Variants in LPXN observed in about 807,000 individuals in gnomAD.
LPXN encodes the protein leupaxin.
A neutral mutation model predicts 45.6 loss-of-function variants in LPXN; 28 were observed. The observed-to-expected ratio is 0.61, with a 90% confidence interval of 0.45 to 0.84. LPXN has a LOEUF of 0.84. Ranked by LOEUF, LPXN falls within the 40% of genes least tolerant of loss-of-function variation. The pLI, the probability that LPXN is intolerant of heterozygous loss-of-function variation, is 0.00. For synonymous variants in LPXN, 166 were observed against 169.9 expected (o/e 0.98, Z 0.18); for missense variants, 459 against 475.0 (o/e 0.97, Z 0.31).
intron 1 of LPXN, 97 bp downstream of exon 1, chr11:58,575,663 A>T: frequency 7.5e-7 from 1 of 1,325,594 alleles, no homozygotes; most frequent in Non-Finnish European, 1.1e-6. Context: ...ATCTTCCATT[A>T]CTACCCTCAG....
At chr11:58,570,509 T>C (rs1350551271) in intron 2 of LPXN, 47 bp downstream of exon 2, 8 of 1,410,924 alleles carry the variant, frequency 5.7e-6, no homozygotes, top group Non-Finnish European at 7.8e-6. Context: ...TTTTCAGAAA[T>C]GCACTCAAAC....
chr11:58,527,470 T>A lies in LPXN; in HGVS notation c.1145A>T (p.Lys382Met), dbSNP rs376118436. 8.1e-6 allele frequency: 13 copies of A among 1,614,078 alleles called. No individual in the cohort carries two copies. The African/African-American group carries it at 1.7e-4, about 22-fold the overall frequency. The change falls in exon 9 of 9, where the codon AAG (lysine) becomes ATG (methionine). Residue 382 changes from lysine to methionine, a missense_variant. Coordinates refer to ENST00000395074, the MANE Select transcript of LPXN (RefSeq NM_004811.3). ...DKTYCQPCFN[K>M]LFPL ...CAGTTGGCATTACAGTGGGAAGAGCTTATTGAAGCAAGGTTGACAATAGGT... is the reference window on the plus strand; with the variant it reads ...CAGTTGGCATTACAGTGGGAAGAGCATATTGAAGCAAGGTTGACAATAGGT...
intron 4 of LPXN, chr11:58,553,749 ATGGTTGGATTC>A (rs1211840911): frequency 6.6e-6 from 1 of 152,212 alleles, no homozygotes; most frequent in Non-Finnish European, 1.5e-5. Flanking sequence ...CAGATTTAAA[ATGGTTGGATTC>A]TCCACCTTAA....
At chr11:58,545,265 A>G (rs1271139337) in intron 7 of LPXN, among the ~76,000 whole-genome samples, 1 of 152,162 alleles carries the variant, frequency 6.6e-6, no homozygotes, top group Non-Finnish European at 1.5e-5. Flanking sequence ...TAGCTACCTT[A>G]ATGGTGCTTT....
At position 58,554,493 on chromosome 11, in the gene LPXN, ATC is replaced by A. The variant is rs150429256; in HGVS notation, c.318+346_318+347del. Among the ~76,000 whole-genome samples the A allele has an allele frequency of 6.4e-3, 979 of 152,090 alleles. 13 individuals are homozygous for A. The highest frequency in any genetic ancestry group is 0.023 in the African/African-American group (948 of 41,480). Reference sequence around the variant, plus strand: ...TTTCAACTCTGATTAAATCTCCAAAATCTCTCTATATCCGTAATGTTTGCTCC... The same window carrying A: ...TTTCAACTCTGATTAAATCTCCAAAATCTCTATATCCGTAATGTTTGCTCC... On this transcript the variant is annotated intron_variant, in intron 4 of 8. Coordinates refer to ENST00000395074, the MANE Select transcript of LPXN (RefSeq NM_004811.3).
At chr11:58,578,195 T>C (rs765218677), upstream of LPXN, 2 of 1,029,452 alleles carry the variant, frequency 1.9e-6, no homozygotes, top group Admixed American at 3.2e-5. Context: ...AGACCAGCAA[T>C]TGGCTCGACG....
At chr11:58,542,073 G>A (rs1386547039) in intron 7 of LPXN, among the ~76,000 whole-genome samples, 1 of 151,846 alleles carries the variant, frequency 6.6e-6, no homozygotes, top group Admixed American at 6.6e-5. Flanking sequence ...ATAGCATTAG[G>A]AGATATACCT....
chr11:58,564,193 G>A lies in LPXN; in HGVS notation c.180C>T (p.Leu60=), dbSNP rs201602799. The change falls in exon 3 of 9, where the codon CTC becomes CTT. Residue 60 remains leucine (L), a synonymous_variant. Coordinates refer to ENST00000395074, the MANE Select transcript of LPXN (RefSeq NM_004811.3). Reference sequence around the variant, plus strand: ...GCTCCTGGATATTGGTAGTATACACGAGCTGCGCCTAAGATATATAAGTGA... The same window carrying A: ...GCTCCTGGATATTGGTAGTATACACAAGCTGCGCCTAAGATATATAAGTGA... ...QDNTSPLPAQ[L]VYTTNIQELN... is the part of the protein sequence containing the mutation. The A allele has an allele frequency of 1.1e-5, 18 of 1,603,716 alleles. No individual in the cohort carries two copies. The highest frequency in any genetic ancestry group is 1.7e-5 in the Admixed American group (1 of 58,588).
intron 5 of LPXN, 41 bp from the exon 6 acceptor site, chr11:58,550,187 G>C: frequency 1.3e-6 from 2 of 1,588,502 alleles, no homozygotes; most frequent in Non-Finnish European, 8.6e-7. Context: ...GGCCAGTTGA[G>C]TGCTCTACAG....
intron 3 of LPXN, among the ~76,000 whole-genome samples, chr11:58,560,570 T>G (rs1318669938): frequency 1.1e-4 from 16 of 152,346 alleles, no homozygotes; most frequent in Non-Finnish European, 2.9e-5. Flanking sequence ...TTCTATCTTC[T>G]GCAACCATAA....
chr11:58,570,326 A>T (rs943830403), intron 2 of LPXN, among the ~76,000 whole-genome samples: 16 of 151,466 alleles, frequency 1.1e-4, no homozygotes, highest in African/African-American at 3.6e-4. Context: ...AAAATAAAAA[A>T]AATAAAAAAA....
intron 7 of LPXN, among the ~76,000 whole-genome samples, chr11:58,542,551 A>G (rs190413631): frequency 1.1e-4 from 17 of 152,164 alleles, no homozygotes; most frequent in Admixed American, 9.2e-4. Context: ...TTATAGTACT[A>G]CTAAACACCA....
At chr11:58,576,995 T>C (rs1218184780), upstream of LPXN, among the ~76,000 whole-genome samples, 4 of 152,230 alleles carry the variant, frequency 2.6e-5, no homozygotes, top group African/African-American at 9.6e-5. Flanking sequence ...TCTCCCTATG[T>C]TGCCCAGGCT....
intron 7 of LPXN, among the ~76,000 whole-genome samples, chr11:58,539,340 C>T (rs1000118168): frequency 3.3e-5 from 5 of 152,126 alleles, no homozygotes; most frequent in Non-Finnish European, 5.9e-5. Flanking sequence ...AAAAGTAGAT[C>T]TGAAGCTCTG....
rs532904510 is a variant in LPXN, at chr11:58,537,526, G to C, written c.743-9335C>G. On this transcript the variant is annotated intron_variant, in intron 7 of 8. Coordinates refer to ENST00000395074, the MANE Select transcript of LPXN (RefSeq NM_004811.3). Reference sequence around the variant, plus strand: ...GGGCCTGATGGAGGCAGGGGACTAGGGGAGGGATAGCATTAGGAGAAATAC... The same window carrying C: ...GGGCCTGATGGAGGCAGGGGACTAGCGGAGGGATAGCATTAGGAGAAATAC... Among the ~76,000 whole-genome samples the C allele has an allele frequency of 2.2e-4, 33 of 152,148 alleles. No homozygotes were observed. The South Asian group carries it at 6.4e-3, about 30-fold the overall frequency.
chr11:58,578,552 G>T (rs543241982), upstream of LPXN, among the ~76,000 whole-genome samples: 1 of 152,302 alleles, frequency 6.6e-6, no homozygotes, highest in Non-Finnish European at 1.5e-5. Context: ...AGAAGCGACA[G>T]CTCAAAATAC....
intron 7 of LPXN, among the ~76,000 whole-genome samples, chr11:58,540,798 C>T (rs775573629): frequency 1.3e-5 from 2 of 152,134 alleles, no homozygotes; most frequent in Non-Finnish European, 2.9e-5. Flanking sequence ...AATGGAGCTA[C>T]ACTGAGAATG....
intron 1 of LPXN, among the ~76,000 whole-genome samples, chr11:58,573,534 C>A (rs1188239870): frequency 2.6e-5 from 4 of 152,134 alleles, no homozygotes; most frequent in African/African-American, 9.7e-5. Flanking sequence ...TAGGAAGTTG[C>A]CCTCAGAAGC....
intron 3 of LPXN, among the ~76,000 whole-genome samples, chr11:58,556,867 T>C (rs542754044): frequency 2.0e-5 from 3 of 152,150 alleles, no homozygotes; most frequent in African/African-American, 7.2e-5. Flanking sequence ...GATCCACATA[T>C]CCAATTAAAC....
Sources: gnomAD v4.1 joint callset for allele counts (sites outside exome capture counted in the v4.1 genomes callset) on GRCh38, gnomAD v4.1.1 for gene constraint, MANE v1.5 for transcripts, NCBI Gene and HGNC (gene_info 2026-07-23, HGNC 2026-07-21) for gene names.